FAM13A: variants seen among roughly 807,000 people sequenced by gnomAD.
The protein encoded by FAM13A is protein FAM13A.
Under a neutral mutation model 129.6 loss-of-function variants are expected in FAM13A, and 76 were observed. The ratio of observed to expected loss-of-function variants is 0.59; its 90% CI spans 0.49 to 0.71. The LOEUF is 0.71. Among genes scored for constraint, FAM13A ranks in the 30% least tolerant of loss-of-function variants. FAM13A has a pLI of 0.00. For synonymous variants in FAM13A, 443 were observed against 449.9 expected (o/e 0.98, Z 0.20); for missense variants, 1,108 against 1,249.3 (o/e 0.89, Z 1.70).
Position 88,916,307 on chromosome 4 carries a change from T to C in FAM13A, c.760-9845A>G, listed in dbSNP as rs545090993. Among the ~76,000 whole-genome samples, 98 of 152,350 alleles carry C rather than the reference T, an allele frequency of 6.4e-4. 1 individual carries two copies. The highest frequency in any genetic ancestry group is 2.2e-3 in the African/African-American group (91 of 41,580). ...AAGTTTGGACTCCCAGTCTTAATAT[T>C]ATTATAATCCAATATAGAGTTTTCC... On this transcript the variant is annotated intron_variant, in intron 5 of 23. Coordinates refer to ENST00000264344, the MANE Select transcript of FAM13A (RefSeq NM_014883.4).
chr4:88,869,016 A>G (rs1740913515), intron 6 of FAM13A, among the ~76,000 whole-genome samples: 1 of 152,200 alleles, frequency 6.6e-6, no homozygotes, highest in Non-Finnish European at 1.5e-5. Flanking sequence ...TAAAGCACAA[A>G]GAAGTTATGG....
Position 89,029,445 on chromosome 4 carries a change from C to T in FAM13A, c.217+15G>A, listed in dbSNP as rs1560871626. 1.3e-6 allele frequency: 2 copies of T among 1,585,352 alleles called. No homozygotes were observed. Among genetic ancestry groups the T allele is most frequent in the Non-Finnish European group, 1.7e-6 (2 of 1,167,352 alleles). ...GACTGTGAAAATGAACAGACTAAAG[C>T]ATGACTTAACTCACCATGCTGCGTC... On this transcript the variant is annotated intron_variant, in intron 2 of 23. Coordinates refer to ENST00000264344, the MANE Select transcript of FAM13A (RefSeq NM_014883.4).
intron 2 of FAM13A, among the ~76,000 whole-genome samples, chr4:89,021,426 A>G (rs1223192466): frequency 6.6e-6 from 1 of 152,216 alleles, no homozygotes; most frequent in Non-Finnish European, 1.5e-5. Flanking sequence ...GTCTCAGAAG[A>G]TTAGGCATCT....
chr4:88,841,288 G>T (rs927776781), intron 7 of FAM13A, among the ~76,000 whole-genome samples: 1 of 152,112 alleles, frequency 6.6e-6, no homozygotes, highest in African/African-American at 2.4e-5. Flanking sequence ...AAGGTCAGGA[G>T]TTCAAGACCA....
chr4:88,908,400 T>C (rs1748508319), intron 5 of FAM13A, among the ~76,000 whole-genome samples: 2 of 152,214 alleles, frequency 1.3e-5, no homozygotes, highest in African/African-American at 4.8e-5. Flanking sequence ...TAGAATATGA[T>C]GAAAAGAAAC....
At chr4:88,899,036 ATGAG>A (rs1453473491) in intron 6 of FAM13A, among the ~76,000 whole-genome samples, 1 of 151,912 alleles carries the variant, frequency 6.6e-6, no homozygotes, top group African/African-American at 2.4e-5. Context: ...CCATCAATCA[ATGAG>A]TGAGTAAAGA....
At chr4:88,791,610 C>T (rs897571454) in intron 8 of FAM13A, among the ~76,000 whole-genome samples, 8 of 152,060 alleles carry the variant, frequency 5.3e-5, no homozygotes, top group Non-Finnish European at 1.2e-4. Context: ...ATAGTTCTAC[C>T]TAATAGTCCT....
intron 1 of FAM13A, among the ~76,000 whole-genome samples, chr4:89,056,501 C>T (rs565230848): frequency 6.6e-6 from 1 of 152,164 alleles, no homozygotes; most frequent in South Asian, 2.1e-4. Flanking sequence ...AATTACTAAA[C>T]GAAAATAGAA....
chr4:88,732,731 A>G (rs1456263924), intron 21 of FAM13A, among the ~76,000 whole-genome samples: 1 of 152,036 alleles, frequency 6.6e-6, no homozygotes, highest in Non-Finnish European at 1.5e-5. Flanking sequence ...AATGCACAAA[A>G]TTTTAGGGAA....
At chr4:88,857,251 T>G (rs1738676987) in intron 6 of FAM13A, among the ~76,000 whole-genome samples, 1 of 152,172 alleles carries the variant, frequency 6.6e-6, no homozygotes, top group Non-Finnish European at 1.5e-5. Flanking sequence ...TTAGAGCAAG[T>G]CTGTATTTTA....
intron 11 of FAM13A, among the ~76,000 whole-genome samples, chr4:88,775,835 A>G (rs1408444340): frequency 6.6e-6 from 1 of 152,208 alleles, no homozygotes; most frequent in African/African-American, 2.4e-5. Flanking sequence ...AGTTTTACCT[A>G]TTCTTTAGCA....
At chr4:88,927,839 T>A (rs1752449505) in intron 5 of FAM13A, among the ~76,000 whole-genome samples, 1 of 152,038 alleles carries the variant, frequency 6.6e-6, no homozygotes, top group African/African-American at 2.4e-5. Flanking sequence ...TCCTTTGTAT[T>A]TTTGGGGGAT....
chr4:88,845,865 T>A (rs1376406298), intron 7 of FAM13A, among the ~76,000 whole-genome samples: 1 of 152,198 alleles, frequency 6.6e-6, no homozygotes, highest in Non-Finnish European at 1.5e-5. Context: ...ACAACTCTCA[T>A]CTGAAACACA....
At chr4:88,856,375 T>C (rs973614764) in intron 6 of FAM13A, among the ~76,000 whole-genome samples, 1 of 151,874 alleles carries the variant, frequency 6.6e-6, no homozygotes, top group African/African-American at 2.4e-5. Flanking sequence ...TCCCAACTAC[T>C]TGGGAAGCTG....
chr4:88,757,331 C>T (rs1743874708), intron 14 of FAM13A, among the ~76,000 whole-genome samples: 1 of 152,118 alleles, frequency 6.6e-6, no homozygotes, highest in Admixed American at 6.6e-5. Flanking sequence ...TAGTTTTTAT[C>T]TAGAGCTTTA....
chr4:88,890,417 T>C (rs1237236353), intron 6 of FAM13A, among the ~76,000 whole-genome samples: 1 of 152,186 alleles, frequency 6.6e-6, no homozygotes, highest in Non-Finnish European at 1.5e-5. Context: ...GAGACTCTCA[T>C]AGAGTCCCTT....
chr4:88,803,881 G>T (rs1186856076), intron 8 of FAM13A, among the ~76,000 whole-genome samples: 3 of 152,140 alleles, frequency 2.0e-5, no homozygotes, highest in African/African-American at 4.8e-5. Context: ...AATCCATTCT[G>T]GGACTATTTC....
In FAM13A at chr4:88,938,075, C is replaced by G; in HGVS notation, c.759+13G>C. ...TTATAGCAATACTGAAAATTAAAAA[C>G]CAAGTTGCTTACTTTTACTATGATA... On this transcript the variant is annotated intron_variant, in intron 5 of 23. Transcript: ENST00000264344. 1 of 1,607,616 alleles carries G rather than the reference C, an allele frequency of 6.2e-7. No individual in the cohort carries two copies. The highest frequency in any genetic ancestry group is 8.5e-7 in the Non-Finnish European group (1 of 1,175,212).
chr4:88,980,093 T>G (rs1171134093), intron 4 of FAM13A, among the ~76,000 whole-genome samples: 1 of 152,242 alleles, frequency 6.6e-6, no homozygotes, highest in Non-Finnish European at 1.5e-5. Context: ...GAATTACATG[T>G]ATAAGCATGA....
Sources: gnomAD v4.1 joint callset for allele counts (sites outside exome capture counted in the v4.1 genomes callset) on GRCh38, gnomAD v4.1.1 for gene constraint, MANE v1.5 for transcripts, NCBI Gene and HGNC (gene_info 2026-07-23, HGNC 2026-07-21) for gene names.